Variants in HDAC9 observed in about 807,000 individuals in gnomAD.
HDAC9 encodes histone deacetylase 9.
Under a neutral mutation model 139.4 loss-of-function variants are expected in HDAC9, and 41 were observed. That is an observed-to-expected ratio of 0.29 (90% CI 0.23 to 0.38). The LOEUF is 0.38. Ranked by LOEUF, HDAC9 falls within the 10% of genes least tolerant of loss-of-function variation. The probability of loss-of-function intolerance (pLI) is 1.00; values close to 1 mark genes in which losing one functional copy is unlikely to be tolerated. For synonymous variants in HDAC9, 517 were observed against 476.2 expected (o/e 1.09, Z -1.12); for missense variants, 1,147 against 1,297.0 (o/e 0.88, Z 1.78).
chr7:18,973,846 T>C (rs545873275), intron 24 of HDAC9, among the ~76,000 whole-genome samples: 1 of 152,270 alleles, frequency 6.6e-6, no homozygotes, highest in African/African-American at 2.4e-5. Flanking sequence ...GATGTGAAAT[T>C]GGTCTTCCTG....
At chr7:18,348,879 A>G (rs1014904970) in intron 1 of HDAC9, among the ~76,000 whole-genome samples, 2 of 152,178 alleles carry the variant, frequency 1.3e-5, no homozygotes, top group African/African-American at 4.8e-5. Flanking sequence ...TCACAGTAGT[A>G]GTGCAGTTTA....
chr7:18,918,404 A>G (rs1266592076), intron 22 of HDAC9, among the ~76,000 whole-genome samples: 2 of 152,048 alleles, frequency 1.3e-5, no homozygotes, highest in Admixed American at 1.3e-4. Context: ...AGAGTGTTTC[A>G]TAAAGCAAGA....
chr7:18,292,852 A>C lies in HDAC9; in HGVS notation c.-42+2337A>C, dbSNP rs142172202. The stretch of plus-strand genomic sequence containing the variant: ...ACATGCACAGTCAGACATTTTAGAA[A>C]CCTGGAATTGACTTGAAGTGCTTTA... On this transcript the variant is annotated intron_variant, in intron 1 of 3. Transcript: ENST00000413509. Among the ~76,000 whole-genome samples the C allele has an allele frequency of 2.8e-3, 420 of 152,278 alleles. 2 individuals carry two copies. The highest frequency in any genetic ancestry group is 9.4e-3 in the African/African-American group (392 of 41,562).
chr7:18,720,794 A>G (rs1042369531), intron 12 of HDAC9, among the ~76,000 whole-genome samples: 1 of 151,138 alleles, frequency 6.6e-6, no homozygotes, highest in Non-Finnish European at 1.5e-5. Context: ...TGATCCTCCC[A>G]CCTCAGCCTC....
intron 21 of HDAC9, among the ~76,000 whole-genome samples, chr7:18,839,246 T>C (rs1396538021): frequency 1.3e-5 from 2 of 152,006 alleles, no homozygotes; most frequent in Non-Finnish European, 2.9e-5. Context: ...TTTATAGACA[T>C]TATGGCTAAT....
chr7:18,732,760 T>TGTGTTTGTGTGC (rs1380870451), intron 13 of HDAC9, among the ~76,000 whole-genome samples: 1 of 97,624 alleles, frequency 1.0e-5, no homozygotes, highest in Non-Finnish European at 1.9e-5. Flanking sequence ...TACACACACG[T>TGTGTTTGTGTGC]GTATGTGTGC....
chr7:18,200,624 G>A (rs1438459803), intron 2 of HDAC9, among the ~76,000 whole-genome samples: 1 of 152,178 alleles, frequency 6.6e-6, no homozygotes, highest in Non-Finnish European at 1.5e-5. Context: ...TTGGGGTTTG[G>A]TAGTAGACTA....
At chr7:18,214,515 A>T (rs1045163804) in intron 2 of HDAC9, among the ~76,000 whole-genome samples, 19 of 152,148 alleles carry the variant, frequency 1.2e-4, no homozygotes, top group African/African-American at 4.3e-4. Context: ...GTGCTTTAAA[A>T]ATAATTCATA....
intron 11 of HDAC9, among the ~76,000 whole-genome samples, chr7:18,665,755 A>T (rs189014978): frequency 0.012 from 1,852 of 152,246 alleles, 34 homozygotes; most frequent in African/African-American, 0.042. Flanking sequence ...AAAGACTATT[A>T]GCATTTGTGT....
intron 16 of HDAC9, among the ~76,000 whole-genome samples, chr7:18,785,706 A>G (rs77894729): frequency 0.046 from 6,970 of 152,236 alleles, 355 homozygotes; most frequent in African/African-American, 0.13. Flanking sequence ...TTTTTAAAAT[A>G]CCATTTTATT....
intron 24 of HDAC9, among the ~76,000 whole-genome samples, chr7:18,970,488 A>G (rs952660685): frequency 1.4e-4 from 21 of 152,292 alleles, no homozygotes; most frequent in African/African-American, 4.6e-4. Context: ...TTTTATTTTT[A>G]TCCCCATTTA....
chr7:18,087,303 T>G (rs1364791160), intron 1 of HDAC9: 1 of 152,122 alleles, frequency 6.6e-6, no homozygotes, highest in East Asian at 1.9e-4. Flanking sequence ...CGCCGCGGTA[T>G]TCCCTTCTCG....
intron 1 of HDAC9, among the ~76,000 whole-genome samples, chr7:18,456,251 T>G (rs764399335): frequency 2.0e-5 from 3 of 152,198 alleles, no homozygotes; most frequent in African/African-American, 7.2e-5. Context: ...TGGTTGATTT[T>G]TTTGAGATAG....
intron 12 of HDAC9, among the ~76,000 whole-genome samples, chr7:18,702,470 G>A (rs1783570677): frequency 6.6e-6 from 1 of 152,176 alleles, no homozygotes; most frequent in South Asian, 2.1e-4. Context: ...GGCCTGTAAG[G>A]CTTTACCATT....
chr7:18,747,617 C>A (rs887926758), intron 13 of HDAC9, among the ~76,000 whole-genome samples: 1 of 152,064 alleles, frequency 6.6e-6, no homozygotes, highest in Non-Finnish European at 1.5e-5. Context: ...ATGGATCATT[C>A]AATGGGGAAG....
At chr7:18,634,806 G>A in intron 8 of HDAC9, 64 bp downstream of exon 8, 6 of 1,000,428 alleles carry the variant, frequency 6.0e-6, no homozygotes, top group Non-Finnish European at 7.7e-6. Flanking sequence ...CTAATACAAA[G>A]TGATATTTCT....
chr7:18,834,900 T>C (rs1292778392), intron 19 of HDAC9, among the ~76,000 whole-genome samples: 2 of 152,226 alleles, frequency 1.3e-5, no homozygotes, highest in Non-Finnish European at 2.9e-5. Flanking sequence ...GGCAAATCAA[T>C]GCATACACGT....
intron 2 of HDAC9, chr7:18,162,472 A>T: frequency 1.2e-6 from 1 of 867,858 alleles, no homozygotes; most frequent in Non-Finnish European, 1.8e-6. Flanking sequence ...AAGATTGCTT[A>T]ATGTAACAAA....
intron 2 of HDAC9, among the ~76,000 whole-genome samples, chr7:18,562,927 A>G (rs1023767512): frequency 6.6e-6 from 1 of 152,000 alleles, no homozygotes; most frequent in African/African-American, 2.4e-5. Context: ...TTCCTTCCAT[A>G]CAGTGTTGTA....
Sources: allele counts gnomAD v4.1 joint callset (sites outside exome capture counted in the v4.1 genomes callset), GRCh38; gene constraint gnomAD v4.1.1; transcripts MANE v1.5; gene names NCBI Gene and HGNC (gene_info 2026-07-23, HGNC 2026-07-21).